The following SDR42E2 variants were observed in gnomAD, a reference collection of about 807,000 sequenced individuals.
The protein encoded by SDR42E2 is short chain dehydrogenase/reductase family 42E, member 2.
SDR42E2 carries 20 observed loss-of-function variants against 10.5 expected under a neutral mutation model. The observed-to-expected ratio is 1.90, with a 90% CI of 1.34 to 2.77. The LOEUF (loss-of-function observed/expected upper bound fraction) is 2.77. Ranked by LOEUF, SDR42E2 falls within the 30% of genes most tolerant of loss-of-function variation. SDR42E2 has a pLI of 0.00. For synonymous variants in SDR42E2, 72 were observed against 39.2 expected (o/e 1.84, Z -3.12); for missense variants, 162 against 104.2 (o/e 1.55, Z -2.42).
At chr16:22,178,962 G>T (rs2046669238) in intron 8 of SDR42E2, among the ~76,000 whole-genome samples, 2 of 152,032 alleles carry the variant, frequency 1.3e-5, no homozygotes, top group African/African-American at 2.4e-5. Context: ...AGAAGTTCCA[G>T]TCTGCAGTTT....
chr16:22,175,540 C>CT (rs759069697), intron 7 of SDR42E2, among the ~76,000 whole-genome samples: 9,079 of 137,008 alleles, frequency 0.066, 1,069 homozygotes, highest in African/African-American at 0.23. Flanking sequence ...ACACTCCTTC[C>CT]TTTTTTTTTT....
chr16:22,188,026 G>T (rs1478478531), intron 12 of SDR42E2, among the ~76,000 whole-genome samples: 3 of 151,808 alleles, frequency 2.0e-5, no homozygotes, highest in Non-Finnish European at 1.5e-5. Flanking sequence ...AACCTGGAAG[G>T]TGGAGGTTGC....
intron 7 of SDR42E2, among the ~76,000 whole-genome samples, chr16:22,176,415 G>T (rs2046645350): frequency 1.3e-5 from 2 of 152,294 alleles, no homozygotes; most frequent in South Asian, 4.1e-4. Context: ...CACACTGTAT[G>T]CATGTAGGTA....
Position 22,186,230 on chromosome 16 carries a change from G to A in SDR42E2, c.941-491G>A, listed in dbSNP as rs182967280. On this transcript the variant is annotated intron_variant, in intron 11 of 12. Transcript: ENST00000602312. ...GTTCAATTTTTTTTTTTTTTCTGAC[G>A]GAGTCTTATTATGTTGCCCAGCCTG... 4.3e-4 allele frequency among the ~76,000 whole-genome samples: 64 copies of A among 149,812 alleles called. No individual in the cohort carries two copies. In the East Asian group the frequency reaches 6.3e-3, roughly 15 times the overall value.
intron 7 of SDR42E2, among the ~76,000 whole-genome samples, chr16:22,176,124 A>AT (rs145583306): frequency 6.6e-6 from 1 of 151,890 alleles, no homozygotes; most frequent in African/African-American, 2.4e-5. Context: ...AGAAGAGTGG[A>AT]TTTTTTTTCT....
At chr16:22,170,985 G>T (rs763191275) in intron 6 of SDR42E2, 34 bp downstream of exon 6, 2 of 702,484 alleles carry the variant, frequency 2.8e-6, no homozygotes, top group Non-Finnish European at 5.2e-6. Context: ...GGCAGGACCC[G>T]CGGGCCCGGG....
chr16:22,180,244 G>C (rs1295347748), intron 8 of SDR42E2, among the ~76,000 whole-genome samples: 1 of 152,124 alleles, frequency 6.6e-6, no homozygotes, highest in Non-Finnish European at 1.5e-5. Context: ...AATTTTTAAA[G>C]GTCCTCCTGG....
Position 22,190,450 on chromosome 16 carries a change from G to A in SDR42E2, c.*57G>A, listed in dbSNP as rs1220682535. On this transcript the variant is annotated 3_prime_UTR_variant, in exon 13 of 13. Transcript: ENST00000602312. ...CCCCGCTGCACCCTCGCCCACGCCC[G>A]GCTCCCTGGGCTTGTACCAGCCCCT... The A allele has an allele frequency of 7.5e-6, 3 of 399,806 alleles. No individual in the cohort carries two copies. Among genetic ancestry groups the A allele is most frequent in the Admixed American group, 8.8e-5 (2 of 22,690 alleles). The allele number at this position is 399,806 out of a possible 1,614,324, so 24.8% of individuals were successfully genotyped here.
chr16:22,169,708 C>G (rs949055599), intron 5 of SDR42E2, among the ~76,000 whole-genome samples: 1 of 152,190 alleles, frequency 6.6e-6, no homozygotes, highest in African/African-American at 2.4e-5. Context: ...AGAGTTACCT[C>G]TCAGGGCTTA....
chr16:22,183,302 G>A (rs1253381333), intron 10 of SDR42E2, among the ~76,000 whole-genome samples: 1 of 151,992 alleles, frequency 6.6e-6, no homozygotes, highest in African/African-American at 2.4e-5. Flanking sequence ...TTTGTATTTG[G>A]CTAATTTTCG....
chr16:22,167,004 GCTC>G lies in SDR42E2; in HGVS notation c.336+9_336+11del, dbSNP rs922346469. 7.1e-5 allele frequency: 50 copies of G among 701,816 alleles called. No homozygotes were observed. In the Middle Eastern group the frequency reaches 9.1e-4, roughly 13 times the overall value. 43.5% of individuals were successfully genotyped at this position (701,816 alleles called of 1,614,324 possible). On this transcript the variant is annotated splice_donor_region_variant and intron_variant, in intron 4 of 12. Transcript: ENST00000602312. ...GGAATGTCCGGGGCTGAGAAGGTGG[GCTC>G]CTCACACACAACACCTGGAGTTAGA...
Position 22,170,956 on chromosome 16 carries a change from C to G in SDR42E2, c.513+5C>G. Reference sequence around the variant, plus strand: ...CCATATTTCCCATTGGACGAGGTACCTGTCTTCCGGGAGAGGTGGGCAGGA... The same window carrying G: ...CCATATTTCCCATTGGACGAGGTACGTGTCTTCCGGGAGAGGTGGGCAGGA... On this transcript the variant is annotated splice_donor_5th_base_variant and intron_variant, in intron 6 of 12. Coordinates refer to ENST00000602312, the MANE Select transcript of SDR42E2 (RefSeq NM_001394319.2). 1 of 702,984 alleles carries G rather than the reference C, an allele frequency of 1.4e-6. No homozygotes were observed. The highest frequency in any genetic ancestry group is 2.6e-6 in the Non-Finnish European group (1 of 384,982). The allele number at this position is 702,984 out of a possible 1,614,324, so 43.5% of individuals were successfully genotyped here. A position where few individuals can be genotyped will look rare whatever the true frequency, so the allele number is the denominator to read the frequency against.
chr16:22,167,109 C>A, intron 4 of SDR42E2, 110 bp downstream of exon 4: 1 of 397,960 alleles, frequency 2.5e-6, no homozygotes. Context: ...ATAGGAGGGA[C>A]TTGGGCTACT....
At chr16:22,166,195 C>G (rs1395109452) in intron 2 of SDR42E2, 55 bp from the exon 3 acceptor site, 20 of 416,104 alleles carry the variant, frequency 4.8e-5, no homozygotes, top group Non-Finnish European at 4.2e-6. Flanking sequence ...TGGGCTCAGA[C>G]AGGGGTCTGG....
At chr16:22,172,859 C>T (rs2046612769) in intron 7 of SDR42E2, among the ~76,000 whole-genome samples, 1 of 152,228 alleles carries the variant, frequency 6.6e-6, no homozygotes, top group Non-Finnish European at 1.5e-5. Context: ...TAGCTTACTG[C>T]AGCCTCAAAC....
At position 22,190,502 on chromosome 16, in the gene SDR42E2, C is replaced by T. The variant is rs1014805635; in HGVS notation, c.*109C>T. The T allele has an allele frequency of 3.3e-5, 13 of 399,736 alleles. No individual in the cohort carries two copies. The highest frequency in any genetic ancestry group is 2.5e-4 in the East Asian group (7 of 28,064). The allele number at this position is 399,736 out of a possible 1,614,324, so 24.8% of individuals were successfully genotyped here. A position where few individuals can be genotyped will look rare whatever the true frequency, so the allele number is the denominator to read the frequency against. On this transcript the variant is annotated 3_prime_UTR_variant, in exon 13 of 13. Coordinates refer to ENST00000602312, the MANE Select transcript of SDR42E2 (RefSeq NM_001394319.2). ...CCCCGCCTTCTGGGTTTGAGCGCGC[C>T]TCCGCTCCGCCCCTTGAATCCTGGT...
intron 10 of SDR42E2, among the ~76,000 whole-genome samples, chr16:22,182,958 T>C (rs895410449): frequency 2.0e-5 from 3 of 151,978 alleles, no homozygotes; most frequent in Admixed American, 1.3e-4. Context: ...TGAGCTATGA[T>C]TGCACCACTG....
Position 22,190,329 on chromosome 16 carries a change from T to G in SDR42E2, c.1205T>G (p.Leu402Trp). ...LLLRLLLFLGLLALALHFLGL... is the reference protein window; with the variant it reads ...LLLRLLLFLGWLALALHFLGL... The stretch of plus-strand genomic sequence containing the variant: ...CTCAGGCTGCTGCTGTTCCTCGGCT[T>G]GCTCGCCCTGGCCCTGCACTTCCTA... Residue 402 changes from leucine to tryptophan, a missense_variant, in exon 13 of 13, where the codon TTG (leucine) becomes TGG (tryptophan). Leu to Trp is a moderately conservative substitution (Grantham distance 61). Transcript: ENST00000602312. 2.5e-6 allele frequency: 1 copy of G among 402,496 alleles called. No individual in the cohort carries two copies. The highest frequency in any genetic ancestry group is 4.4e-6 in the Non-Finnish European group (1 of 227,218). The allele number at this position is 402,496 out of a possible 1,614,324, so 24.9% of individuals were successfully genotyped here. A position where few individuals can be genotyped will look rare whatever the true frequency, so the allele number is the denominator to read the frequency against.
rs1408319746 is a variant in SDR42E2 at position 22,191,574 on chromosome 16, A to T, written c.*1181A>T. 6.6e-6 allele frequency: 1 copy of T among 152,114 alleles called. No individual in the cohort carries two copies. Among genetic ancestry groups the T allele is most frequent in the Non-Finnish European group, 1.5e-5 (1 of 68,036 alleles). The allele number at this position is 152,114 out of a possible 1,614,324, so 9.4% of individuals were successfully genotyped here. Reference sequence around the variant, plus strand: ...GTGTTGACAGCCAGGGTTTGGGGAAAAACCGAGACTCAAGCTTCTGCCGAG... The same window carrying T: ...GTGTTGACAGCCAGGGTTTGGGGAATAACCGAGACTCAAGCTTCTGCCGAG... On this transcript the variant is annotated 3_prime_UTR_variant, in exon 13 of 13. Transcript: ENST00000602312.
Sources: gnomAD v4.1 joint callset for allele counts (sites outside exome capture counted in the v4.1 genomes callset) on GRCh38, gnomAD v4.1.1 for gene constraint, MANE v1.5 for transcripts, NCBI Gene and HGNC (gene_info 2026-07-23, HGNC 2026-07-21) for gene names.